Variants in GNE observed in about 807,000 individuals in gnomAD.
GNE encodes bifunctional UDP-N-acetylglucosamine 2-epimerase/N-acetylmannosamine kinase.
GNE carries 41 observed loss-of-function variants against 61.8 expected under a neutral mutation model. That is an observed-to-expected ratio of 0.66 (90% CI 0.52 to 0.86). The LOEUF (loss-of-function observed/expected upper bound fraction) is 0.86, where lower values mean the gene tolerates loss of function less well. GNE is among the 40% of genes least tolerant of loss of function. The pLI, the probability that GNE is intolerant of heterozygous loss-of-function variation, is 0.00. For missense variants in GNE, 608 were observed against 909.1 expected (o/e 0.67, Z 4.26); for synonymous variants, 264 against 326.4 (o/e 0.81, Z 2.06).
At chr9:36,242,062 G>A (rs1314324330) in intron 3 of GNE, among the ~76,000 whole-genome samples, 2 of 152,000 alleles carry the variant, frequency 1.3e-5, no homozygotes, top group African/African-American at 4.8e-5. Context: ...CTTAAACCTG[G>A]GAGGCAGAGG....
chr9:36,259,592 G>C (rs1830539396), upstream of GNE, among the ~76,000 whole-genome samples: 1 of 152,166 alleles, frequency 6.6e-6, no homozygotes, highest in Admixed American at 6.5e-5. Flanking sequence ...CCACGAAAAG[G>C]TCACATTAGC....
chr9:36,258,540 A>T, upstream of GNE: 1 of 984,350 alleles, frequency 1.0e-6, no homozygotes, highest in South Asian at 4.7e-5. Context: ...ACGCCACCCG[A>T]GAGAGCTCGC....
intron 1 of GNE, among the ~76,000 whole-genome samples, chr9:36,275,822 C>G (rs1034981906): frequency 1.3e-5 from 2 of 152,102 alleles, no homozygotes; most frequent in African/African-American, 2.4e-5. Context: ...ATTGGTGATA[C>G]AGCTAGGAGT....
At chr9:36,224,404 A>G (rs1828760148) in intron 7 of GNE, among the ~76,000 whole-genome samples, 1 of 152,146 alleles carries the variant, frequency 6.6e-6, no homozygotes, top group Non-Finnish European at 1.5e-5. Flanking sequence ...ACTGCACTCC[A>G]GCCTGGGCAA....
In GNE at chr9:36,217,292, G is replaced by T; in HGVS notation, c.*73C>A. ...ATACCAGATTTGATTGTTAAGAAAC[G>T]GTCATCCTAAAGACAAGAACTTGAT... On this transcript the variant is annotated 3_prime_UTR_variant, in exon 12 of 12. Transcript: ENST00000642385. The T allele has an allele frequency of 3.1e-6, 3 of 976,256 alleles. No homozygotes were observed. Among genetic ancestry groups the T allele is most frequent in the Non-Finnish European group, 3.2e-6 (2 of 620,680 alleles). 60.5% of individuals were successfully genotyped at this position (976,256 alleles called of 1,614,324 possible).
intron 7 of GNE, among the ~76,000 whole-genome samples, chr9:36,224,522 C>T (rs965920591): frequency 1.1e-4 from 17 of 152,110 alleles, no homozygotes; most frequent in African/African-American, 4.1e-4. Flanking sequence ...TCTGGATACT[C>T]TATTTCCTTA....
chr9:36,246,680 T>TG (rs1829891559), intron 2 of GNE, among the ~76,000 whole-genome samples, 198 bp from the exon 3 acceptor site: 1 of 135,236 alleles, frequency 7.4e-6, no homozygotes, highest in African/African-American at 2.9e-5. Flanking sequence ...TTTTTTTTTT[T>TG]TTTTTTGAGA....
intron 9 of GNE, 136 bp downstream of exon 9, chr9:36,222,641 C>T: frequency 1.3e-6 from 1 of 782,408 alleles, no homozygotes; most frequent in South Asian, 1.4e-5. Context: ...CAGAAAAGGC[C>T]ACATGTGGCT....
intron 1 of GNE, among the ~76,000 whole-genome samples, chr9:36,273,084 A>C (rs966430085): frequency 6.6e-6 from 1 of 151,986 alleles, no homozygotes; most frequent in African/African-American, 2.4e-5. Flanking sequence ...GGGCTGGAGT[A>C]GGTGAGAAGA....
In GNE at chr9:36,227,335, T is replaced by C. The variant is rs1828917467; in HGVS notation, c.1194A>G (p.Gln398=). Residue 398 remains glutamine (Q), a synonymous_variant, in exon 7 of 12, where the codon CAA becomes CAG. Transcript: ENST00000642385. ...GAGTTTCAAGAATATGGTCAATATCTTGAGAGATATTCTCCTTCACAGGAG... is the reference window on the plus strand; with the variant it reads ...GAGTTTCAAGAATATGGTCAATATCCTGAGAGATATTCTCCTTCACAGGAG... ...CFPPVKENIS[Q]DIDHILETLS... The C allele has an allele frequency of 1.2e-6, 2 of 1,612,860 alleles. No homozygotes were observed. Among genetic ancestry groups the C allele is most frequent in the Non-Finnish European group, 1.7e-6 (2 of 1,178,810 alleles).
chr9:36,230,721 G>A (rs1205646842), intron 5 of GNE, among the ~76,000 whole-genome samples: 2 of 150,186 alleles, frequency 1.3e-5, no homozygotes, highest in African/African-American at 2.5e-5. Context: ...GTGCAGTGGC[G>A]CGATCTTGGC....
rs71336439 is a variant in GNE, at chr9:36,274,068, C to CTG, written c.51+2824_51+2825dup. On this transcript the variant is annotated intron_variant, in intron 1 of 11. Transcript: ENST00000396594. ...AACCCAGGTGCTTCGGTCTATGGTA[C>CTG]TGTGTGTGTGTGTGTGTGTGTGTGT... Among the ~76,000 whole-genome samples the CTG allele has an allele frequency of 4.6e-3, 655 of 142,298 alleles. 5 individuals are homozygous for CTG. The highest frequency in any genetic ancestry group is 0.012 in the African/African-American group (462 of 37,532). The allele number at this position is 142,298 out of a possible 152,430, so 93.4% of individuals were successfully genotyped here.
At chr9:36,260,599 G>T (rs545190638), upstream of GNE, among the ~76,000 whole-genome samples, 1 of 152,104 alleles carries the variant, frequency 6.6e-6, no homozygotes, top group Non-Finnish European at 1.5e-5. Flanking sequence ...GCCAGGCGCG[G>T]TGGCTCACGC....
chr9:36,219,152 C>T (rs116521677), intron 10 of GNE, among the ~76,000 whole-genome samples: 129 of 152,268 alleles, frequency 8.5e-4, no homozygotes, highest in African/African-American at 3.0e-3. Flanking sequence ...ACCACCTTCC[C>T]AGTCCTTCTA....
chr9:36,269,091 C>T (rs1830916005), intron 1 of GNE, among the ~76,000 whole-genome samples: 2 of 149,620 alleles, frequency 1.3e-5, no homozygotes, highest in African/African-American at 2.5e-5. Flanking sequence ...GTTCTTGCCA[C>T]TGCACTCCAG....
chr9:36,220,648 C>T (rs1405914371), intron 9 of GNE, among the ~76,000 whole-genome samples: 1 of 152,224 alleles, frequency 6.6e-6, no homozygotes, highest in African/African-American at 2.4e-5. Context: ...ATCCTTGTCT[C>T]AGGCTCTGCT....
intron 2 of GNE, among the ~76,000 whole-genome samples, chr9:36,246,905 G>A (rs1427983954): frequency 1.3e-5 from 2 of 152,050 alleles, no homozygotes; most frequent in South Asian, 2.1e-4. Flanking sequence ...CTGACCTCAG[G>A]TGATCCACCC....
rs552438043 is a variant in GNE, at chr9:36,270,679, G to A, written c.51+6215C>T. On this transcript the variant is annotated intron_variant, in intron 1 of 11. Transcript: ENST00000396594. The stretch of plus-strand genomic sequence containing the variant: ...ACTGCAGGCGCCCGCCACCGCGCCC[G>A]GCTAATGTTTTGTATTTTTAGTAGA... Among the ~76,000 whole-genome samples, 844 of 152,130 alleles carry A rather than the reference G, an allele frequency of 5.5e-3. 9 individuals are homozygous for A. The highest frequency in any genetic ancestry group is 0.019 in the African/African-American group (782 of 41,534).
rs996354765 is a variant in GNE at position 36,214,899 on chromosome 9, A to G, written c.*2466T>C. On this transcript the variant is annotated 3_prime_UTR_variant, in exon 12 of 12. Coordinates refer to ENST00000642385, the MANE Select transcript of GNE (RefSeq NM_005476.7). ...AACCCACTAGGAAGGATATAGTTCA[A>G]ATGTAATGTTGAGTCCTTCAGTTTA... 6.6e-6 allele frequency: 1 copy of G among 152,248 alleles called. No individual in the cohort carries two copies. Among genetic ancestry groups the G allele is most frequent in the Non-Finnish European group, 1.5e-5 (1 of 68,046 alleles). The allele number at this position is 152,248 out of a possible 1,614,324, so 9.4% of individuals were successfully genotyped here.
Sources: gnomAD v4.1 joint callset for allele counts (sites outside exome capture counted in the v4.1 genomes callset) on GRCh38, gnomAD v4.1.1 for gene constraint, MANE v1.5 for transcripts, NCBI Gene and HGNC (gene_info 2026-07-23, HGNC 2026-07-21) for gene names.